The following CHD6 variants were observed in gnomAD, a reference collection of about 807,000 sequenced individuals.
The protein encoded by CHD6 is chromodomain helicase DNA binding protein 6, also known as ATP-dependent chromatin remodeler CHD6.
In CHD6, 50 loss-of-function variants were observed where a neutral mutation model predicts 276.9. That is an observed-to-expected ratio of 0.18 (90% CI 0.14 to 0.23). CHD6 has a LOEUF of 0.23. CHD6 is among the 10% of genes least tolerant of loss of function. The probability of loss-of-function intolerance (pLI) is 1.00; values close to 1 mark genes in which losing one functional copy is unlikely to be tolerated. For missense variants in CHD6, 2,564 were observed against 3,365.8 expected, an observed-to-expected ratio of 0.76 and a Z score of 5.89; for synonymous variants, 1,173 against 1,229.3, an observed-to-expected ratio of 0.95 and a Z score of 0.96.
Position 41,521,423 on chromosome 20 carries a change from GA to G in CHD6, c.555-6472del, listed in dbSNP as rs532393163. 9.2e-5 allele frequency among the ~76,000 whole-genome samples: 14 copies of G among 152,274 alleles called. No homozygotes were observed. The East Asian group carries it at 2.7e-3, about 29-fold the overall frequency. The stretch of plus-strand genomic sequence containing the variant: ...ATTGATGTTGGGAACTGGCAAATAT[GA>G]AATGCTATAAGGCAAGGGAGATACT... On this transcript the variant is annotated intron_variant, in intron 3 of 36. Coordinates refer to ENST00000373233, the MANE Select transcript of CHD6 (RefSeq NM_032221.5).
chr20:41,605,745 T>C (rs866617786), intron 1 of CHD6, among the ~76,000 whole-genome samples: 1 of 146,746 alleles, frequency 6.8e-6, no homozygotes, highest in Non-Finnish European at 1.5e-5. Flanking sequence ...TTAATTTTAA[T>C]CAGAACTATT....
chr20:41,411,577 C>T (rs939049011), intron 36 of CHD6, among the ~76,000 whole-genome samples: 4 of 152,142 alleles, frequency 2.6e-5, no homozygotes, highest in African/African-American at 9.7e-5. Context: ...GAGGTTATGA[C>T]TTTTGTAGTC....
chr20:41,584,798 CT>C (rs1344123057), intron 1 of CHD6, among the ~76,000 whole-genome samples: 1 of 151,998 alleles, frequency 6.6e-6, no homozygotes, highest in Non-Finnish European at 1.5e-5. Context: ...CAGAATGCAA[CT>C]TAAACAGTGC....
intron 16 of CHD6, among the ~76,000 whole-genome samples, chr20:41,480,703 G>T (rs868682762): frequency 1.3e-5 from 2 of 152,094 alleles, no homozygotes; most frequent in African/African-American, 4.8e-5. Flanking sequence ...TTTAGATACA[G>T]CTATAAATAC....
At chr20:41,530,020 T>C (rs1984791349) in intron 3 of CHD6, among the ~76,000 whole-genome samples, 1 of 152,064 alleles carries the variant, frequency 6.6e-6, no homozygotes, top group African/African-American at 2.4e-5. Flanking sequence ...AATACCCAAA[T>C]AGCAAGACTG....
intron 27 of CHD6, among the ~76,000 whole-genome samples, chr20:41,433,075 TA>T (rs79318906): frequency 0.026 from 3,289 of 128,340 alleles, 46 homozygotes; most frequent in South Asian, 0.046. Flanking sequence ...CCAATGTGAA[TA>T]ACAGAAAAAA....
intron 2 of CHD6, among the ~76,000 whole-genome samples, chr20:41,540,279 A>C (rs2044916497): frequency 6.6e-6 from 1 of 152,230 alleles, no homozygotes; most frequent in South Asian, 2.1e-4. Flanking sequence ...CAGAAATGGC[A>C]ATAAATATCT....
At chr20:41,505,806 GC>G (rs2145929956) in intron 5 of CHD6, among the ~76,000 whole-genome samples, 1 of 152,108 alleles carries the variant, frequency 6.6e-6, no homozygotes. Context: ...CCTGGCAATA[GC>G]CTCATATACA....
In CHD6 at chr20:41,499,350, G is replaced by A; in HGVS notation, c.860C>T (p.Pro287Leu). The change falls in exon 6 of 37, where the codon CCA becomes CTA. Residue 287 changes from proline to leucine, a missense_variant. By Grantham distance (98) the Pro-to-Leu change is moderately conservative. This residue lies in a region of CHD6 where 457 missense variants were observed against 889.0 expected (regional missense o/e 0.51). Transcript: ENST00000373233. ...CTCAATGATGTTTGCATCATCTTCTGGAGGCTCCTGGGGACAAAGATAAAA... is the reference window on the plus strand; with the variant it reads ...CTCAATGATGTTTGCATCATCTTCTAGAGGCTCCTGGGGACAAAGATAAAA... ...STLAWQAEEP[P>L]EDDANIIEKI... 6.2e-7 allele frequency: 1 copy of A among 1,600,528 alleles called. No homozygotes were observed. Among genetic ancestry groups the A allele is most frequent in the East Asian group, 2.3e-5 (1 of 44,292 alleles).
chr20:41,531,899 G>A (rs1400942843), intron 3 of CHD6, among the ~76,000 whole-genome samples: 1 of 152,134 alleles, frequency 6.6e-6, no homozygotes, highest in African/African-American at 2.4e-5. Context: ...TTTATGTTTT[G>A]TTAGTATCCA....
chr20:41,452,766 C>G lies in CHD6; in HGVS notation c.3297G>C (p.Arg1099=). The part of the protein sequence containing the change: ...ARRYLRAECF[R]VEKNLLIFGW... ...CAAAGATGAGCAGGTTCTTCTCTAC[C>G]CGGAAGCACTCCGCTCGGAGGTAGC... is the stretch of plus-strand genomic sequence containing the variant. Residue 1099 remains arginine, a synonymous_variant, in exon 21 of 37, where the codon CGG becomes CGC. Transcript: ENST00000373233. The surrounding 1 kb of genome is among the most constrained non-coding windows in gnomAD (Gnocchi z 4.2). The G allele has an allele frequency of 6.2e-7, 1 of 1,613,444 alleles. No homozygotes were observed. The highest frequency in any genetic ancestry group is 8.5e-7 in the Non-Finnish European group (1 of 1,179,896).
intron 5 of CHD6, among the ~76,000 whole-genome samples, chr20:41,512,382 A>C (rs939709700): frequency 1.3e-5 from 2 of 152,082 alleles, no homozygotes; most frequent in Non-Finnish European, 2.9e-5. Flanking sequence ...CTGAAACAGA[A>C]TATCATTGGG....
intron 3 of CHD6, among the ~76,000 whole-genome samples, chr20:41,520,981 G>C (rs2044379038): frequency 6.6e-6 from 1 of 151,118 alleles, no homozygotes; most frequent in Non-Finnish European, 1.5e-5. Context: ...AAGAAACAGA[G>C]GAAGGGTAAA....
chr20:41,420,451 C>T (rs1352200094), intron 31 of CHD6, 57 bp downstream of exon 31: 8 of 1,528,454 alleles, frequency 5.2e-6, no homozygotes, highest in African/African-American at 1.4e-5. Flanking sequence ...AAAACCCAAC[C>T]CCCCGTCGTG....
Position 41,417,266 on chromosome 20 carries a change from CCTCCTGTAG to C in CHD6, c.6202_6210del (p.Leu2068_Glu2070del), listed in dbSNP as rs1295178615. The C allele has an allele frequency of 5.0e-5, 81 of 1,614,032 alleles. No individual in the cohort carries two copies. The highest frequency in any genetic ancestry group is 4.9e-4 in the Middle Eastern group (3 of 6,084). ...AGCTGAGCAATAGTGGGAGCTCGAG[CCTCCTGTAG>C]CTCATCCCCAATGTCTCCTGTGATG... On this transcript the variant is annotated inframe_deletion, in exon 32 of 37. Coordinates refer to ENST00000373233, the MANE Select transcript of CHD6 (RefSeq NM_032221.5).
chr20:41,593,666 A>T (rs2045687700), intron 1 of CHD6, among the ~76,000 whole-genome samples: 1 of 152,226 alleles, frequency 6.6e-6, no homozygotes, highest in East Asian at 1.9e-4. Flanking sequence ...TTTCCTCAGC[A>T]TGTGACTGTA....
At chr20:41,490,545 G>A (rs2043525800) in intron 11 of CHD6, among the ~76,000 whole-genome samples, 1 of 152,178 alleles carries the variant, frequency 6.6e-6, no homozygotes, top group Non-Finnish European at 1.5e-5. Flanking sequence ...AGGCGCGGTG[G>A]CTCACACCTG....
At chr20:41,557,796 C>G (rs918878008) in intron 1 of CHD6, among the ~76,000 whole-genome samples, 1 of 152,162 alleles carries the variant, frequency 6.6e-6, no homozygotes, top group Admixed American at 6.5e-5. Flanking sequence ...ACCACTCTAT[C>G]AGGCACTTTG....
chr20:41,410,400 G>T (rs543763771), intron 36 of CHD6, among the ~76,000 whole-genome samples: 10 of 152,272 alleles, frequency 6.6e-5, no homozygotes, highest in East Asian at 5.8e-4. Flanking sequence ...GGACATTTGG[G>T]TCTCCAGAAC....
Sources: gnomAD v4.1 joint callset for allele counts (sites outside exome capture counted in the v4.1 genomes callset) on GRCh38, gnomAD v4.1.1 for gene constraint, gnomAD v4.1.1 regional missense constraint, Gnocchi (gnomAD v3.1) non-coding constraint, MANE v1.5 for transcripts, NCBI Gene and HGNC (gene_info 2026-07-23, HGNC 2026-07-21) for gene names.